The following RNF13 variants were observed in gnomAD, a reference collection of about 807,000 sequenced individuals.
RNF13 encodes the protein ring finger protein 13, also known as E3 ubiquitin-protein ligase RNF13.
RNF13 carries 19 observed loss-of-function variants against 37.7 expected under a neutral mutation model. That is an observed-to-expected ratio of 0.50 (90% CI 0.35 to 0.74). The LOEUF (loss-of-function observed/expected upper bound fraction) is 0.74, where lower values mean the gene tolerates loss of function less well. RNF13 is among the 30% of genes least tolerant of loss of function. RNF13 has a pLI of 0.01. For missense variants in RNF13, 375 were observed against 453.0 expected (o/e 0.83, Z 1.56); for synonymous variants, 144 against 157.8 (o/e 0.91, Z 0.65).
intron 8 of RNF13, among the ~76,000 whole-genome samples, chr3:149,934,085 T>A (rs1438616310): frequency 2.0e-5 from 3 of 152,202 alleles, no homozygotes; most frequent in African/African-American, 7.2e-5. Flanking sequence ...TCAGGCTTTT[T>A]CTTTCTTTAT....
At chr3:149,881,016 C>T (rs1479003045) in intron 4 of RNF13, among the ~76,000 whole-genome samples, 3 of 152,082 alleles carry the variant, frequency 2.0e-5, no homozygotes, top group Admixed American at 6.5e-5. Context: ...ACTACCTATA[C>T]GATAATAACT....
intron 1 of RNF13, among the ~76,000 whole-genome samples, chr3:149,824,606 A>G (rs1174848656): frequency 6.6e-6 from 1 of 152,262 alleles, no homozygotes; most frequent in Admixed American, 6.5e-5. Context: ...CTAGACTAGA[A>G]AAAATATATG....
At chr3:149,910,751 G>A (rs1361881013) in intron 6 of RNF13, among the ~76,000 whole-genome samples, 1 of 152,214 alleles carries the variant, frequency 6.6e-6, no homozygotes, top group East Asian at 1.9e-4. Flanking sequence ...TACTAGTCTA[G>A]TAGCACAGTG....
intron 2 of RNF13, among the ~76,000 whole-genome samples, chr3:149,846,540 A>G (rs1250936287): frequency 1.3e-5 from 2 of 152,174 alleles, no homozygotes; most frequent in Non-Finnish European, 2.9e-5. Flanking sequence ...CCTGAACCTA[A>G]GGTGATCTTC....
At chr3:149,931,129 C>T (rs1193924662) in intron 8 of RNF13, among the ~76,000 whole-genome samples, 12 of 151,978 alleles carry the variant, frequency 7.9e-5, no homozygotes, top group Admixed American at 7.9e-4. Context: ...AGTGGCACAA[C>T]CATGGCTGAC....
intron 1 of RNF13, among the ~76,000 whole-genome samples, chr3:149,820,701 G>A (rs575398147): frequency 6.6e-6 from 1 of 152,274 alleles, no homozygotes; most frequent in East Asian, 1.9e-4. Context: ...CAATAGTTCA[G>A]TGGCATTTAG....
At chr3:149,867,968 T>C (rs1711546792) in intron 3 of RNF13, among the ~76,000 whole-genome samples, 2 of 151,928 alleles carry the variant, frequency 1.3e-5, no homozygotes, top group Admixed American at 1.3e-4. Flanking sequence ...CTATGAGGCT[T>C]ACAAAGCCAT....
intron 1 of RNF13, among the ~76,000 whole-genome samples, chr3:149,836,444 ATT>A (rs1374119062): frequency 1.3e-5 from 2 of 152,036 alleles, no homozygotes; most frequent in African/African-American, 4.8e-5. Flanking sequence ...ATATATATAT[ATT>A]GTATATATAT....
intron 8 of RNF13, among the ~76,000 whole-genome samples, chr3:149,924,461 A>G (rs1440829294): frequency 1.3e-5 from 2 of 152,198 alleles, no homozygotes; most frequent in African/African-American, 4.8e-5. Context: ...AAGTGGCAGC[A>G]GTGGAGACTG....
intron 8 of RNF13, 70 bp from the exon 9 acceptor site, chr3:149,959,986 A>G (rs1378055818): frequency 4.2e-6 from 4 of 953,268 alleles, no homozygotes; most frequent in African/African-American, 1.6e-5. Flanking sequence ...ATCAAAAGGC[A>G]GTAACTGAGG....
chr3:149,854,474 C>A (rs1211108896), intron 3 of RNF13, among the ~76,000 whole-genome samples: 2 of 152,030 alleles, frequency 1.3e-5, no homozygotes, highest in African/African-American at 2.4e-5. Flanking sequence ...AAATGGTTAT[C>A]ATTTGTATAT....
intron 1 of RNF13, among the ~76,000 whole-genome samples, chr3:149,831,066 G>T (rs1341469704): frequency 2.6e-5 from 4 of 152,246 alleles, no homozygotes; most frequent in African/African-American, 9.6e-5. Context: ...GAGAATGTAT[G>T]GAAATGCCTG....
At chr3:149,824,068 C>G (rs1334563784) in intron 1 of RNF13, among the ~76,000 whole-genome samples, 2 of 152,126 alleles carry the variant, frequency 1.3e-5, no homozygotes, top group African/African-American at 2.4e-5. Flanking sequence ...CAAAAAGACA[C>G]AAAAGCTAGC....
At chr3:149,922,211 A>T (rs532410025) in intron 8 of RNF13, among the ~76,000 whole-genome samples, 7 of 152,092 alleles carry the variant, frequency 4.6e-5, no homozygotes, top group African/African-American at 1.7e-4. Flanking sequence ...TGACCTTGTG[A>T]TCCATCCACC....
At position 149,924,437 on chromosome 3, in the gene RNF13, A is replaced by G. The variant is rs140000475; in HGVS notation, c.700+3210A>G. Among the ~76,000 whole-genome samples, 340 of 152,322 alleles carry G rather than the reference A, an allele frequency of 2.2e-3. 4 individuals carry two copies. Among genetic ancestry groups the G allele is most frequent in the South Asian group, 0.019 (90 of 4,824 alleles). On this transcript the variant is annotated intron_variant, in intron 8 of 9. Transcript: ENST00000392894. Reference sequence around the variant, plus strand: ...ACCGTGGGGCATTCCATCATTCAGTAGAAGAGGAATCAGAAGTGGCAGCAG... The same window carrying G: ...ACCGTGGGGCATTCCATCATTCAGTGGAAGAGGAATCAGAAGTGGCAGCAG...
chr3:149,842,782 A>C (rs774826867), intron 1 of RNF13, among the ~76,000 whole-genome samples: 10 of 152,224 alleles, frequency 6.6e-5, no homozygotes, highest in Non-Finnish European at 1.3e-4. Flanking sequence ...AGTAGTTTTT[A>C]TTTTGTATAA....
In RNF13 at chr3:149,960,931, G is replaced by A. The variant is rs1722340438; in HGVS notation, c.973G>A (p.Ala325Thr). 6.2e-6 allele frequency: 10 copies of A among 1,614,202 alleles called. No individual in the cohort carries two copies. Among genetic ancestry groups the A allele is most frequent in the African/African-American group, 1.3e-5 (1 of 75,068 alleles). Residue 325 changes from alanine (A) to threonine (T), a missense_variant, in exon 10 of 10, where the codon GCT becomes ACT. Transcript: ENST00000392894. ...LASVSAQSFG[A>T]LSESRSHQNM... ...TTCTGTCAGTGCCCAGTCATTTGGG[G>A]CTTTATCGGAATCCCGCTCACATCA...
At chr3:149,825,389 C>T (rs1224139721) in intron 1 of RNF13, among the ~76,000 whole-genome samples, 1 of 152,154 alleles carries the variant, frequency 6.6e-6, no homozygotes, top group Non-Finnish European at 1.5e-5. Flanking sequence ...GTCTCAAACT[C>T]CTGACCTCAG....
intron 3 of RNF13, among the ~76,000 whole-genome samples, chr3:149,869,048 T>G (rs778877537): frequency 6.6e-6 from 1 of 151,820 alleles, no homozygotes; most frequent in African/African-American, 2.4e-5. Flanking sequence ...CTTTTCTTTT[T>G]TCTCTTCTGT....
Sources: gnomAD v4.1 joint callset for allele counts (sites outside exome capture counted in the v4.1 genomes callset) on GRCh38, gnomAD v4.1.1 for gene constraint, MANE v1.5 for transcripts, NCBI Gene and HGNC (gene_info 2026-07-23, HGNC 2026-07-21) for gene names.